MECOM: variants seen among roughly 807,000 people sequenced by gnomAD.
MECOM encodes the protein histone-lysine N-methyltransferase MECOM.
MECOM carries 13 observed loss-of-function variants against 116.3 expected under a neutral mutation model. The observed-to-expected ratio is 0.11, with a 90% CI of 0.07 to 0.18. The LOEUF is 0.18. Among genes scored for constraint, MECOM ranks in the 10% least tolerant of loss-of-function variants. The pLI, the probability that MECOM is intolerant of heterozygous loss-of-function variation, is 1.00. For missense variants in MECOM, 1,299 were observed against 1,509.0 expected (o/e 0.86, Z 2.31); for synonymous variants, 528 against 535.2 (o/e 0.99, Z 0.19).
chr3:169,246,358 A>C (rs1755579119), intron 2 of MECOM, among the ~76,000 whole-genome samples: 1 of 152,182 alleles, frequency 6.6e-6, no homozygotes, highest in Non-Finnish European at 1.5e-5. Context: ...AGCAGATGAC[A>C]CCTGCCTGAT....
At chr3:169,265,495 G>C (rs549085314) in intron 2 of MECOM, among the ~76,000 whole-genome samples, 7 of 152,308 alleles carry the variant, frequency 4.6e-5, no homozygotes, top group African/African-American at 1.7e-4. Context: ...AAAATAGTGA[G>C]AGAGTTTAGT....
chr3:169,555,359 A>G (rs1761902239), intron 1 of MECOM, among the ~76,000 whole-genome samples: 1 of 150,844 alleles, frequency 6.6e-6, no homozygotes, highest in South Asian at 2.1e-4. Context: ...AAAATGTGAT[A>G]ATTGTTATAT....
intron 1 of MECOM, among the ~76,000 whole-genome samples, chr3:169,416,053 C>G (rs1012338141): frequency 1.3e-5 from 2 of 152,128 alleles, no homozygotes; most frequent in African/African-American, 2.4e-5. Flanking sequence ...ACTCTCCACC[C>G]CAGATCAAAG....
intron 1 of MECOM, among the ~76,000 whole-genome samples, chr3:169,639,960 A>G (rs908760976): frequency 4.6e-5 from 7 of 152,172 alleles, no homozygotes; most frequent in Non-Finnish European, 8.8e-5. Context: ...CCTCATCTTC[A>G]TCATTCCTCT....
chr3:169,531,473 C>T (rs760159312), intron 1 of MECOM, among the ~76,000 whole-genome samples: 108 of 152,310 alleles, frequency 7.1e-4, no homozygotes, highest in Non-Finnish European at 1.0e-3. Context: ...ATGACCCTCT[C>T]CATAACCTCA....
chr3:169,110,387 T>C (rs529755527), intron 9 of MECOM, among the ~76,000 whole-genome samples: 2 of 152,282 alleles, frequency 1.3e-5, no homozygotes, highest in East Asian at 1.9e-4. Context: ...ATGCTAAATA[T>C]GTTGCGTACA....
chr3:169,551,142 T>C (rs573268879), intron 1 of MECOM, among the ~76,000 whole-genome samples: 9 of 152,260 alleles, frequency 5.9e-5, no homozygotes, highest in Admixed American at 4.6e-4. Context: ...CCACTGTCAG[T>C]CATGAAACGA....
chr3:169,406,104 T>C (rs1022828384), intron 1 of MECOM, among the ~76,000 whole-genome samples: 2 of 152,194 alleles, frequency 1.3e-5, no homozygotes, highest in Non-Finnish European at 2.9e-5. Context: ...TACACTTTGA[T>C]TTTTTCCCCA....
chr3:169,504,753 G>T (rs902846085), intron 1 of MECOM, among the ~76,000 whole-genome samples: 2 of 152,072 alleles, frequency 1.3e-5, no homozygotes, highest in African/African-American at 4.8e-5. Context: ...GGTGGGATGT[G>T]ATTTTTGCCT....
At chr3:169,086,254 G>A (rs1717697717) in intron 16 of MECOM, among the ~76,000 whole-genome samples, 1 of 152,090 alleles carries the variant, frequency 6.6e-6, no homozygotes, top group South Asian at 2.1e-4. Context: ...TCTACTCTAT[G>A]CCAGGCTCTG....
intron 1 of MECOM, among the ~76,000 whole-genome samples, chr3:169,509,950 C>T (rs993803113): frequency 9.2e-5 from 14 of 152,228 alleles, no homozygotes; most frequent in Admixed American, 8.5e-4. Flanking sequence ...TGTACCACAC[C>T]AACTACCAGC....
chr3:169,606,415 A>C (rs1188747357), intron 1 of MECOM, among the ~76,000 whole-genome samples: 2 of 152,018 alleles, frequency 1.3e-5, no homozygotes, highest in Non-Finnish European at 1.5e-5. Flanking sequence ...TCTCAAAAAA[A>C]AAAAAAAAGA....
chr3:169,351,376 A>G (rs1726298638), intron 2 of MECOM, among the ~76,000 whole-genome samples: 1 of 151,690 alleles, frequency 6.6e-6, no homozygotes, highest in Non-Finnish European at 1.5e-5. Context: ...AATAATTGCA[A>G]TTTTGTATCT....
intron 1 of MECOM, among the ~76,000 whole-genome samples, chr3:169,513,678 G>A (rs904757671): frequency 1.3e-5 from 2 of 152,180 alleles, no homozygotes; most frequent in Non-Finnish European, 2.9e-5. Context: ...AAACCTTGAG[G>A]AGGTGTGATA....
At chr3:169,618,493 T>TA (rs1770290568) in intron 1 of MECOM, among the ~76,000 whole-genome samples, 1 of 151,946 alleles carries the variant, frequency 6.6e-6, no homozygotes, top group South Asian at 2.1e-4. Flanking sequence ...CCGTCTCTAC[T>TA]AAAAACACAA....
At chr3:169,370,419 C>T (rs2108184233) in intron 2 of MECOM, among the ~76,000 whole-genome samples, 1 of 152,028 alleles carries the variant, frequency 6.6e-6, no homozygotes, top group African/African-American at 2.4e-5. Flanking sequence ...AATCATAAAA[C>T]TTACAGAGAA....
intron 3 of MECOM, 96 bp from the exon 4 acceptor site, chr3:169,131,627 C>T: frequency 3.4e-6 from 3 of 885,812 alleles, no homozygotes; most frequent in Non-Finnish European, 5.1e-6. Context: ...CCTGTACAAA[C>T]ACCTTAACAA....
chr3:169,174,660 G>T (rs535406986), intron 2 of MECOM, among the ~76,000 whole-genome samples: 1 of 152,168 alleles, frequency 6.6e-6, no homozygotes, highest in Non-Finnish European at 1.5e-5. Context: ...CACACTCTAA[G>T]ATATTGGATC....
intron 1 of MECOM, among the ~76,000 whole-genome samples, chr3:169,490,485 A>G (rs9862657): frequency 0.15 from 22,501 of 152,224 alleles, 1,944 homozygotes; most frequent in African/African-American, 0.23. Context: ...ACTGTGGTGT[A>G]TTCATAGAAT....
Sources: allele counts gnomAD v4.1 joint callset (sites outside exome capture counted in the v4.1 genomes callset), GRCh38; gene constraint gnomAD v4.1.1; transcripts MANE v1.5; gene names NCBI Gene and HGNC (gene_info 2026-07-23, HGNC 2026-07-21).